DMD: variants seen among roughly 807,000 people sequenced by gnomAD.
DMD encodes the protein mutant dystrophin.
Under a neutral mutation model 330.1 loss-of-function variants are expected in DMD, and 63 were observed. The observed-to-expected ratio is 0.19, with a 90% CI of 0.16 to 0.24. DMD has a LOEUF of 0.24. Among genes scored for constraint, DMD ranks in the 10% least tolerant of loss-of-function variants. The pLI is 1.00. For synonymous variants in DMD, 1,223 were observed against 959.8 expected, an observed-to-expected ratio of 1.27 and a Z score of -5.07; for missense variants, 3,344 against 2,684.1, an observed-to-expected ratio of 1.25 and a Z score of -5.43.
chrX:32,605,292 A>G (rs2056595578), intron 12 of DMD, among the ~76,000 whole-genome samples: 1 of 110,851 alleles, frequency 9.0e-6, no homozygotes, highest in Non-Finnish European at 1.9e-5. Flanking sequence ...AAAAATGTAT[A>G]TATACACTGG....
At chrX:31,286,735 C>G (rs1334593386) in intron 62 of DMD, among the ~76,000 whole-genome samples, 3 of 111,697 alleles carry the variant, frequency 2.7e-5, no homozygotes, top group Non-Finnish European at 3.8e-5. Context: ...TAATCAGATC[C>G]TCTCTTTCTT....
chrX:33,067,686 C>G (rs896644874), intron 1 of DMD, among the ~76,000 whole-genome samples: 5 of 108,877 alleles, frequency 4.6e-5, no homozygotes, highest in African/African-American at 1.0e-4. Context: ...ACTAAAAATA[C>G]AAAAAAAAAT....
intron 1 of DMD, among the ~76,000 whole-genome samples, chrX:33,194,599 C>G (rs1348113196): frequency 9.0e-6 from 1 of 111,034 alleles, no homozygotes; most frequent in Non-Finnish European, 1.9e-5. Flanking sequence ...CACATACAAG[C>G]CTCTTTAACA....
chrX:32,419,172 T>C (rs1273984905), intron 29 of DMD, among the ~76,000 whole-genome samples: 1 of 110,455 alleles, frequency 9.1e-6, no homozygotes, highest in Non-Finnish European at 1.9e-5. Context: ...TAATGAAATG[T>C]TTTCCAAAAA....
intron 1 of DMD, among the ~76,000 whole-genome samples, chrX:33,054,112 C>T (rs778988503): frequency 3.6e-5 from 4 of 111,924 alleles, no homozygotes; most frequent in Non-Finnish European, 5.6e-5. Flanking sequence ...TGTAATCACT[C>T]AGGTGAAAAG....
At chrX:32,782,496 G>A (rs963278805) in intron 7 of DMD, among the ~76,000 whole-genome samples, 2 of 111,255 alleles carry the variant, frequency 1.8e-5, no homozygotes, top group Non-Finnish European at 3.8e-5. Context: ...AGATGATTGT[G>A]TGTAAAAGAG....
At chrX:33,060,455 C>T (rs945492480) in intron 1 of DMD, among the ~76,000 whole-genome samples, 1 of 111,124 alleles carries the variant, frequency 9.0e-6, no homozygotes, top group African/African-American at 3.3e-5. Flanking sequence ...AAATTTTGGC[C>T]GAGCAAATAA....
intron 60 of DMD, among the ~76,000 whole-genome samples, chrX:31,396,148 T>TG (rs200132649): frequency 0.071 from 7,612 of 107,416 alleles, 659 homozygotes; most frequent in African/African-American, 0.24. Flanking sequence ...TTTTTTTTTT[T>TG]TTTTTTTGAG....
chrX:31,437,826 A>G (rs1188177452), intron 60 of DMD, among the ~76,000 whole-genome samples: 1 of 107,382 alleles, frequency 9.3e-6, no homozygotes, highest in Non-Finnish European at 1.9e-5. Context: ...ATATATATAT[A>G]TAACATATAC....
At chrX:32,855,718 G>T (rs1439324016) in intron 2 of DMD, among the ~76,000 whole-genome samples, 1 of 111,826 alleles carries the variant, frequency 8.9e-6, no homozygotes, top group African/African-American at 3.3e-5. Flanking sequence ...ACTACTACAA[G>T]AAATCATTGG....
chrX:31,233,177 C>T (rs5927001), intron 63 of DMD, among the ~76,000 whole-genome samples: 36,149 of 110,854 alleles, frequency 0.33, 6,331 homozygotes, highest in African/African-American at 0.69. Context: ...TACTATTCTC[C>T]TCCTTTGGCT....
intron 7 of DMD, among the ~76,000 whole-genome samples, chrX:32,731,917 A>G (rs916401488): frequency 2.7e-5 from 3 of 112,421 alleles, no homozygotes; most frequent in Non-Finnish European, 5.6e-5. Flanking sequence ...AGAGAGGATG[A>G]CTTTGACGAG....
At chrX:32,642,818 A>C (rs2059553679) in intron 11 of DMD, among the ~76,000 whole-genome samples, 1 of 111,263 alleles carries the variant, frequency 9.0e-6, no homozygotes, top group African/African-American at 3.3e-5. Flanking sequence ...GAGAGGATGG[A>C]AACCTAGAGT....
At chrX:32,445,113 T>C (rs190376253) in intron 27 of DMD, among the ~76,000 whole-genome samples, 95 of 111,735 alleles carry the variant, frequency 8.5e-4, no homozygotes, top group African/African-American at 3.0e-3. Flanking sequence ...TTGACAAGCG[T>C]CAGCTTGAAA....
chrX:31,364,448 A>G (rs895462064), intron 60 of DMD, among the ~76,000 whole-genome samples: 1 of 111,851 alleles, frequency 8.9e-6, no homozygotes, highest in Admixed American at 9.5e-5. Flanking sequence ...TCTGAAAGCC[A>G]CCACTGTCAC....
intron 54 of DMD, among the ~76,000 whole-genome samples, chrX:31,655,794 C>A (rs761914444): frequency 1.3e-3 from 140 of 111,314 alleles, no homozygotes; most frequent in African/African-American, 4.5e-3. Context: ...TCTTGGACTT[C>A]GCAGCCTCCA....
chrX:32,858,755 G>A (rs180964928), intron 2 of DMD, among the ~76,000 whole-genome samples: 7 of 110,981 alleles, frequency 6.3e-5, no homozygotes, highest in African/African-American at 2.3e-4. Context: ...ACCTTTCGGT[G>A]CTCAGTTTTA....
intron 7 of DMD, among the ~76,000 whole-genome samples, chrX:32,713,923 C>A (rs1451850545): frequency 8.9e-6 from 1 of 111,913 alleles, no homozygotes; most frequent in Admixed American, 9.5e-5. Flanking sequence ...CTTAAACATG[C>A]AAGAACACTT....
intron 1 of DMD, among the ~76,000 whole-genome samples, chrX:33,268,066 T>C (rs1180613153): frequency 9.2e-6 from 1 of 108,567 alleles, no homozygotes; most frequent in Non-Finnish European, 1.9e-5. Flanking sequence ...CTGGACTCAT[T>C]GCAACCTCTG....
Sources: gnomAD v4.1 joint callset for allele counts (sites outside exome capture counted in the v4.1 genomes callset) on GRCh38, gnomAD v4.1.1 for gene constraint, MANE v1.5 for transcripts, NCBI Gene and HGNC (gene_info 2026-07-23, HGNC 2026-07-21) for gene names.